The following ANK2 variants were observed in gnomAD, a reference collection of about 807,000 sequenced individuals.
ANK2 encodes ankyrin 2, also known as ankyrin-2.
Under a neutral mutation model 360.5 loss-of-function variants are expected in ANK2, and 83 were observed. That is an observed-to-expected ratio of 0.23 (90% CI 0.19 to 0.28). The LOEUF is 0.28. Among genes scored for constraint, ANK2 ranks in the 10% least tolerant of loss-of-function variants. The probability of loss-of-function intolerance (pLI) is 1.00; values close to 1 mark genes in which losing one functional copy is unlikely to be tolerated. For synonymous variants in ANK2, 1,740 were observed against 1,759.5 expected (o/e 0.99, Z 0.28); for missense variants, 4,201 against 4,795.7 (o/e 0.88, Z 3.66).
Position 113,358,501 on chromosome 4 carries a change from G to A in ANK2, c.9883G>A (p.Val3295Met). 1.2e-6 allele frequency: 2 copies of A among 1,614,096 alleles called. No individual in the cohort carries two copies. Among genetic ancestry groups the A allele is most frequent in the Non-Finnish European group, 1.7e-6 (2 of 1,179,972 alleles). The change falls in exon 38 of 46, where the codon GTG (valine) becomes ATG (methionine). Residue 3295 changes from valine to methionine, a missense_variant. By Grantham distance (21) the Val-to-Met change is conservative. Coordinates refer to ENST00000357077, the MANE Select transcript of ANK2 (RefSeq NM_001148.6). ...GATTCCTACTGCACCCATGGAGAAT[G>A]TGCCTTTTACTGAAAGCAAATCCAA... ...IEIPTAPMEN[V>M]PFTESKSKIP... is the part of the protein sequence containing the mutation.
At position 113,278,545 on chromosome 4, in the gene ANK2, A is replaced by G; in HGVS notation, c.1868A>G (p.His623Arg). 1 of 1,613,844 alleles carries G rather than the reference A, an allele frequency of 6.2e-7. No individual in the cohort carries two copies. Among genetic ancestry groups the G allele is most frequent in the South Asian group, 1.1e-5 (1 of 91,078 alleles). ...LLLLEKGASP[H>R]ATAKNGYTPL... ...TTACTGGAGAAGGGTGCTTCCCCTC[A>G]TGCCACTGCCAAGGTGAGGACCACA... Residue 623 changes from histidine (H) to arginine (R), a missense_variant, in exon 17 of 46, where the codon CAT becomes CGT. His to Arg is a conservative substitution (Grantham distance 29). This residue lies in a region of ANK2 where 1,268 missense variants were observed against 1,650.8 expected (regional missense o/e 0.77). Transcript: ENST00000357077.
intron 1 of ANK2, among the ~76,000 whole-genome samples, chr4:112,856,875 T>C (rs1014961311): frequency 6.6e-6 from 1 of 152,256 alleles, no homozygotes; most frequent in African/African-American, 2.4e-5. Flanking sequence ...GCAAAGCCAG[T>C]TGAAGACGTA....
chr4:113,323,051 A>G (rs1554496791), intron 26 of ANK2, among the ~76,000 whole-genome samples: 1 of 152,170 alleles, frequency 6.6e-6, no homozygotes, highest in Non-Finnish European at 1.5e-5. Flanking sequence ...AAAACACAAG[A>G]GAATCTTGTG....
At chr4:112,867,013 GC>G (rs1357064444) in intron 1 of ANK2, among the ~76,000 whole-genome samples, 9 of 152,098 alleles carry the variant, frequency 5.9e-5, no homozygotes, top group African/African-American at 2.2e-4. Context: ...CTAGACTCAT[GC>G]AGTGCTCTGT....
intron 2 of ANK2, among the ~76,000 whole-genome samples, chr4:112,924,522 C>T (rs1581243152): frequency 6.6e-6 from 1 of 151,888 alleles, no homozygotes; most frequent in Non-Finnish European, 1.5e-5. Flanking sequence ...ACTATGATAG[C>T]CCCATTTAGA....
At chr4:113,293,341 A>G (rs1342478992) in intron 21 of ANK2, 99 bp from the exon 22 acceptor site, 1 of 1,042,054 alleles carries the variant, frequency 9.6e-7, no homozygotes, top group East Asian at 2.5e-5. Context: ...TTGTTTTGGA[A>G]GGAAATGCTG....
intron 1 of ANK2, among the ~76,000 whole-genome samples, chr4:112,859,232 A>T (rs1166857500): frequency 6.6e-6 from 1 of 152,210 alleles, no homozygotes; most frequent in Non-Finnish European, 1.5e-5. Flanking sequence ...GATGAATAAT[A>T]TGTCTAGCAC....
chr4:112,791,199 G>A, the ANK2 span, among the ~76,000 whole-genome samples: 1 of 152,088 alleles, frequency 6.6e-6, no homozygotes, highest in South Asian at 2.1e-4. Flanking sequence ...GAAGCAGGGA[G>A]GACCCTGTGC....
At chr4:113,027,275 G>T (rs1040432938) in intron 2 of ANK2, among the ~76,000 whole-genome samples, 1 of 152,064 alleles carries the variant, frequency 6.6e-6, no homozygotes, top group African/African-American at 2.4e-5. Context: ...CAGAAGTTCA[G>T]TACCATCGCT....
chr4:112,788,958 G>T, the ANK2 span: 1 of 581,376 alleles, frequency 1.7e-6, no homozygotes, highest in Non-Finnish European at 3.0e-6. Context: ...TAAACTCTCT[G>T]AGGGCAGGAA....
intron 1 of ANK2, among the ~76,000 whole-genome samples, chr4:113,164,257 A>G (rs1467821510): frequency 6.6e-6 from 1 of 152,174 alleles, no homozygotes; most frequent in East Asian, 1.9e-4. Context: ...TCAATCACAT[A>G]TGTATATATA....
chr4:112,870,482 C>T (rs2072561861), intron 1 of ANK2, among the ~76,000 whole-genome samples: 1 of 152,082 alleles, frequency 6.6e-6, no homozygotes, highest in Admixed American at 6.6e-5. Flanking sequence ...GTTAATTTTC[C>T]ATATGGTATG....
intron 1 of ANK2, among the ~76,000 whole-genome samples, chr4:113,059,579 A>G (rs1421981203): frequency 2.0e-5 from 3 of 152,094 alleles, no homozygotes; most frequent in Admixed American, 2.0e-4. Flanking sequence ...CTTATAGGTC[A>G]TTCCTCTGTC....
intron 2 of ANK2, among the ~76,000 whole-genome samples, chr4:112,935,120 AGTGTGTGTGT>A (rs10601105): frequency 5.4e-5 from 8 of 148,760 alleles, no homozygotes; most frequent in East Asian, 2.0e-4. Flanking sequence ...AGTCAGAGAA[AGTGTGTGTGT>A]GTGTGTGTGT....
intron 2 of ANK2, among the ~76,000 whole-genome samples, chr4:113,022,503 G>A (rs2058392499): frequency 6.6e-6 from 1 of 152,098 alleles, no homozygotes; most frequent in Admixed American, 6.6e-5. Flanking sequence ...GTCGCATCCT[G>A]TAAGCACTTG....
chr4:112,832,199 G>T (rs1482815418), intron 1 of ANK2, among the ~76,000 whole-genome samples: 1 of 152,170 alleles, frequency 6.6e-6, no homozygotes, highest in Non-Finnish European at 1.5e-5. Flanking sequence ...CTACAGGCGT[G>T]AGCCACCAAC....
At chr4:112,761,898 G>A in the ANK2 span, among the ~76,000 whole-genome samples, 4 of 152,176 alleles carry the variant, frequency 2.6e-5, no homozygotes, top group South Asian at 2.1e-4. Context: ...AACATAGTAC[G>A]TTCTTAAGAA....
At chr4:112,789,183 G>GA in the ANK2 span, among the ~76,000 whole-genome samples, 6 of 152,116 alleles carry the variant, frequency 3.9e-5, no homozygotes, top group African/African-American at 1.4e-4. Flanking sequence ...TGGTAAAATG[G>GA]AAAGTTCAGA....
chr4:113,212,874 T>G (rs556307536), intron 4 of ANK2, among the ~76,000 whole-genome samples: 1 of 152,358 alleles, frequency 6.6e-6, no homozygotes, highest in South Asian at 2.1e-4. Context: ...CTGCCTTTTC[T>G]TGGCACAATG....
Sources: allele counts gnomAD v4.1 joint callset (sites outside exome capture counted in the v4.1 genomes callset), GRCh38; gene constraint gnomAD v4.1.1; regional missense constraint gnomAD v4.1.1; transcripts MANE v1.5; gene names NCBI Gene and HGNC (gene_info 2026-07-23, HGNC 2026-07-21).